Variants in ATP2C1 observed in about 807,000 individuals in gnomAD.
ATP2C1 encodes calcium-transporting ATPase type 2C member 1.
Under a neutral mutation model 120.5 loss-of-function variants are expected in ATP2C1, and 31 were observed. That is an observed-to-expected ratio of 0.26 (90% CI 0.19 to 0.35). The LOEUF (loss-of-function observed/expected upper bound fraction) is 0.35, where lower values mean the gene tolerates loss of function less well. Ranked by LOEUF, ATP2C1 falls within the 10% of genes least tolerant of loss-of-function variation. The pLI is 1.00. For synonymous variants in ATP2C1, 351 were observed against 358.7 expected (o/e 0.98, Z 0.24); for missense variants, 731 against 1,107.5 (o/e 0.66, Z 4.83).
At chr3:131,011,520 G>C (rs190067) in intron 26 of ATP2C1, among the ~76,000 whole-genome samples, 88,611 of 152,068 alleles carry the variant, frequency 0.58, 28,810 homozygotes, top group Non-Finnish European at 0.73. Context: ...CTAGATTTTG[G>C]AAAGGGAATA....
intron 1 of ATP2C1, among the ~76,000 whole-genome samples, chr3:130,887,530 CA>C (rs1299024891): frequency 6.6e-6 from 1 of 152,196 alleles, no homozygotes; most frequent in Non-Finnish European, 1.5e-5. Flanking sequence ...GCTAAGCTGG[CA>C]CTTAAACCAC....
At chr3:130,972,396 C>G (rs927350697) in intron 17 of ATP2C1, among the ~76,000 whole-genome samples, 4 of 152,116 alleles carry the variant, frequency 2.6e-5, no homozygotes, top group Non-Finnish European at 5.9e-5. Flanking sequence ...ATCTCATCAC[C>G]CTACAGCAAG....
Position 130,996,052 on chromosome 3 carries a change from C to T in ATP2C1, c.2067C>T (p.Ile689=), listed in dbSNP as rs148190902. 9.3e-5 allele frequency: 148 copies of T among 1,596,550 alleles called. No individual in the cohort carries two copies. Among genetic ancestry groups the T allele is most frequent in the Non-Finnish European group, 1.2e-4 (137 of 1,164,768 alleles). Reference sequence around the variant, plus strand: ...ATTTTTTAAATTTCAGGTCTGCAATCGAAGAGGGTAAAGGGATTTATAATA... The same window carrying T: ...ATTTTTTAAATTTCAGGTCTGCAATTGAAGAGGGTAAAGGGATTTATAATA... ...DDDFQTIMSA[I]EEGKGIYNNI... The change falls in exon 23 of 28, where the codon ATC becomes ATT. Residue 689 remains isoleucine, a synonymous_variant. Transcript: ENST00000510168.
rs2060521323 is a variant in ATP2C1 at position 130,955,080 on chromosome 3, G to A, written c.756G>A (p.Glu252=). Residue 252 remains glutamate (E), a splice_region_variant and synonymous_variant, in exon 10 of 28, where the codon GAG becomes GAA. Coordinates refer to ENST00000510168, the MANE Select transcript of ATP2C1 (RefSeq NM_001378687.1). ...TTTTTAAAATGATGCAAGCAGAAGA[G>A]GTGAGTACTTAATATGTTAATGATG... ...GEVFKMMQAE[E]APKTPLQKSM... is the part of the protein sequence containing the mutation. The A allele has an allele frequency of 6.3e-7, 1 of 1,595,170 alleles. No individual in the cohort carries two copies. Among genetic ancestry groups the A allele is most frequent in the Non-Finnish European group, 8.6e-7 (1 of 1,163,290 alleles).
At chr3:130,947,771 G>GT (rs914054894) in intron 8 of ATP2C1, among the ~76,000 whole-genome samples, 3 of 150,928 alleles carry the variant, frequency 2.0e-5, no homozygotes, top group Admixed American at 6.6e-5. Flanking sequence ...GCCCTTCTTT[G>GT]TTTTTTTTCC....
intron 6 of ATP2C1, among the ~76,000 whole-genome samples, chr3:130,940,254 A>T (rs1253173593): frequency 6.6e-6 from 1 of 152,204 alleles, no homozygotes; most frequent in African/African-American, 2.4e-5. Context: ...ACGGTTAATT[A>T]TCTTTGACTT....
chr3:130,925,514 T>C (rs2059164622), intron 2 of ATP2C1, among the ~76,000 whole-genome samples: 1 of 151,950 alleles, frequency 6.6e-6, no homozygotes, highest in Non-Finnish European at 1.5e-5. Context: ...GGGTCCTTGG[T>C]TGTGTTTTTG....
chr3:130,876,994 A>G (rs527335295), intron 1 of ATP2C1, among the ~76,000 whole-genome samples: 3 of 152,296 alleles, frequency 2.0e-5, no homozygotes, highest in Non-Finnish European at 4.4e-5. Context: ...TATTCGTTCT[A>G]AAAGTACTTT....
chr3:131,003,344 G>A (rs1174304163), downstream of ATP2C1: 2 of 224,410 alleles, frequency 8.9e-6, no homozygotes, highest in Non-Finnish European at 1.5e-5. Context: ...ACATGGATGA[G>A]TTAAATGGGC....
chr3:130,986,415 G>T (rs994395734), intron 20 of ATP2C1, among the ~76,000 whole-genome samples: 1 of 152,064 alleles, frequency 6.6e-6, no homozygotes, highest in African/African-American at 2.4e-5. Context: ...TTGTCCTCTG[G>T]CTCTCTTATA....
chr3:130,998,314 A>G lies in ATP2C1; in HGVS notation c.2412A>G (p.Thr804=). Residue 804 remains threonine (T), a synonymous_variant, in exon 26 of 28, where the codon ACA becomes ACG. Coordinates refer to ENST00000510168, the MANE Select transcript of ATP2C1 (RefSeq NM_001378687.1). The stretch of plus-strand genomic sequence containing the variant: ...GACAGCTACGAGACAATGTGATTAC[A>G]CCTCGAGACACAACAATGACCTTCA... ...FWRELRDNVI[T]PRDTTMTFTC... 1 of 1,611,944 alleles carries G rather than the reference A, an allele frequency of 6.2e-7. No individual in the cohort carries two copies. Among genetic ancestry groups the G allele is most frequent in the Non-Finnish European group, 8.5e-7 (1 of 1,178,036 alleles).
intron 1 of ATP2C1, among the ~76,000 whole-genome samples, chr3:130,862,499 T>C (rs894855039): frequency 6.6e-6 from 1 of 152,048 alleles, no homozygotes; most frequent in Non-Finnish European, 1.5e-5. Flanking sequence ...AAATATTCTA[T>C]AAAGAGATAA....
chr3:130,867,489 G>A (rs1432630862), intron 1 of ATP2C1, among the ~76,000 whole-genome samples: 7 of 149,222 alleles, frequency 4.7e-5, no homozygotes, highest in Non-Finnish European at 6.0e-5. Flanking sequence ...ACGGGGTTTC[G>A]CTGTGTTGGC....
At chr3:130,972,758 T>C (rs1265827328) in intron 17 of ATP2C1, among the ~76,000 whole-genome samples, 1 of 151,824 alleles carries the variant, frequency 6.6e-6, no homozygotes, top group Non-Finnish European at 1.5e-5. Flanking sequence ...AATGATGATT[T>C]CCAGTTTCAT....
At chr3:130,997,904 C>T (rs2062706017) in intron 25 of ATP2C1, 151 bp downstream of exon 25, 1 of 754,544 alleles carries the variant, frequency 1.3e-6, no homozygotes, top group African/African-American at 1.8e-5. Context: ...GTTTGATTTC[C>T]ATCTTTATGG....
At chr3:130,874,181 A>G (rs1389513202) in intron 1 of ATP2C1, among the ~76,000 whole-genome samples, 2 of 152,190 alleles carry the variant, frequency 1.3e-5, no homozygotes, top group African/African-American at 4.8e-5. Flanking sequence ...GCAACTATAT[A>G]AGTAAAAATT....
intron 2 of ATP2C1, among the ~76,000 whole-genome samples, chr3:130,897,500 G>T (rs1390054761): frequency 1.3e-5 from 2 of 152,220 alleles, no homozygotes; most frequent in African/African-American, 4.8e-5. Context: ...GAGTGATGCT[G>T]CTGTTCCCTA....
At position 130,993,554 on chromosome 3, in the gene ATP2C1, T is replaced by A. The variant is rs576269519; in HGVS notation, c.1891-378T>A. Among the ~76,000 whole-genome samples, 3 of 152,302 alleles carry A rather than the reference T, an allele frequency of 2.0e-5. No homozygotes were observed. In the South Asian group the frequency reaches 6.2e-4, roughly 32 times the overall value. The stretch of plus-strand genomic sequence containing the variant: ...AAGGGCTGCCCCATATGTTATTGAA[T>A]GTTTAGCAGCATTCTTGGCCCCTTC... On this transcript the variant is annotated intron_variant, in intron 21 of 27. Transcript: ENST00000510168.
chr3:130,973,022 T>G (rs940477226), intron 17 of ATP2C1, among the ~76,000 whole-genome samples: 1 of 151,792 alleles, frequency 6.6e-6, no homozygotes, highest in African/African-American at 2.4e-5. Context: ...AGTCAAGAAA[T>G]GTATCAAAGT....
Sources: allele counts gnomAD v4.1 joint callset (sites outside exome capture counted in the v4.1 genomes callset), GRCh38; gene constraint gnomAD v4.1.1; transcripts MANE v1.5; gene names NCBI Gene and HGNC (gene_info 2026-07-23, HGNC 2026-07-21).